ATP11C: variants seen among roughly 807,000 people sequenced by gnomAD.
The protein encoded by ATP11C is phospholipid-transporting ATPase IG.
A neutral mutation model predicts 97.4 loss-of-function variants in ATP11C; 36 were observed. The ratio of observed to expected loss-of-function variants is 0.37; its 90% CI spans 0.28 to 0.49. The LOEUF is 0.49. Among genes scored for constraint, ATP11C ranks in the 20% least tolerant of loss-of-function variants. The pLI is 0.98. For synonymous variants in ATP11C, 275 were observed against 290.9 expected (o/e 0.95, Z 0.56); for missense variants, 730 against 824.6 (o/e 0.89, Z 1.40).
At chrX:139,877,954 G>C (rs1197512109) in intron 1 of ATP11C, among the ~76,000 whole-genome samples, 1 of 111,174 alleles carries the variant, frequency 9.0e-6, no homozygotes, top group African/African-American at 3.3e-5. Context: ...AACCGGAAGA[G>C]GGAGGTTGCA....
intron 22 of ATP11C, among the ~76,000 whole-genome samples, chrX:139,759,304 C>T (rs757569031): frequency 6.3e-5 from 7 of 111,563 alleles, no homozygotes; most frequent in Non-Finnish European, 1.1e-4. Context: ...CATGGTAACA[C>T]ATTTAAAATA....
chrX:139,804,694 T>C (rs1479647757), intron 5 of ATP11C, 95 bp from the exon 6 acceptor site: 1 of 668,544 alleles, frequency 1.5e-6, no homozygotes, highest in Admixed American at 3.2e-5. Flanking sequence ...AGATTATCTC[T>C]AGCTCTGGGG....
At chrX:139,775,043 C>T in intron 18 of ATP11C, 90 bp from the exon 19 acceptor site, 1 of 951,109 alleles carries the variant, frequency 1.1e-6, no homozygotes, top group Non-Finnish European at 1.4e-6. Context: ...TTTTATAATT[C>T]ACAGCAATTC....
At chrX:139,881,373 TG>T (rs2084559493) in intron 1 of ATP11C, among the ~76,000 whole-genome samples, 1 of 111,210 alleles carries the variant, frequency 9.0e-6, no homozygotes, top group African/African-American at 3.3e-5. Flanking sequence ...ATAAGGAGTA[TG>T]GGCTGTATCT....
At chrX:139,888,607 G>C (rs1202646781) in intron 1 of ATP11C, among the ~76,000 whole-genome samples, 2 of 111,357 alleles carry the variant, frequency 1.8e-5, no homozygotes, top group African/African-American at 3.3e-5. Context: ...TGAGGATATG[G>C]AGCAAATGCA....
intron 1 of ATP11C, among the ~76,000 whole-genome samples, chrX:139,848,012 G>C (rs2083935390): frequency 9.0e-6 from 1 of 110,968 alleles, no homozygotes; most frequent in African/African-American, 3.3e-5. Flanking sequence ...CCATCTCCTT[G>C]GACGTGTGCC....
In ATP11C at chrX:139,818,852, A is replaced by G. The variant is rs1339078411; in HGVS notation, c.237+486T>C. On this transcript the variant is annotated intron_variant, in intron 3 of 29. Transcript: ENST00000682941. ...AACTGTCTAAAATTTAAAACACAAA[A>G]CAGTAGAAAGAATACAGAGAAGCAG... Among the ~76,000 whole-genome samples, 6 of 112,551 alleles carry G rather than the reference A, an allele frequency of 5.3e-5. No homozygotes were observed. In the Admixed American group the frequency reaches 5.6e-4, roughly 11 times the overall value.
chrX:139,736,087 C>A (rs1048991072), intron 28 of ATP11C, among the ~76,000 whole-genome samples: 8 of 111,735 alleles, frequency 7.2e-5, no homozygotes, highest in African/African-American at 2.6e-4. Flanking sequence ...TCATGCTAAA[C>A]CCCTGGCAAC....
chrX:139,806,105 A>C (rs945261201), intron 5 of ATP11C, among the ~76,000 whole-genome samples: 2 of 111,627 alleles, frequency 1.8e-5, no homozygotes, highest in African/African-American at 6.5e-5. Context: ...GCATTTTTTC[A>C]ACAGTTAGGA....
intron 2 of ATP11C, among the ~76,000 whole-genome samples, chrX:139,821,459 C>T (rs2083407785): frequency 8.9e-6 from 1 of 112,379 alleles, no homozygotes; most frequent in Non-Finnish European, 1.9e-5. Context: ...ACTCCAACAA[C>T]AGGCTAATGG....
At chrX:139,742,873 AAAAATATATATATATATAT>A (rs1394824494) in intron 26 of ATP11C, among the ~76,000 whole-genome samples, 3,717 of 26,339 alleles carry the variant, frequency 0.14, 159 homozygotes, top group African/African-American at 0.31. Context: ...TTAAAAAAAA[AAAAATATATATATATATAT>A]ATATATATAT....
intron 1 of ATP11C, among the ~76,000 whole-genome samples, chrX:139,875,968 A>T (rs1218000864): frequency 8.9e-6 from 1 of 112,121 alleles, no homozygotes; most frequent in Admixed American, 9.5e-5. Flanking sequence ...CTTCTAGCTC[A>T]TTCTTCCTGT....
At chrX:139,736,191 C>T (rs1052182674) in intron 28 of ATP11C, among the ~76,000 whole-genome samples, 1 of 111,742 alleles carries the variant, frequency 8.9e-6, no homozygotes, top group Non-Finnish European at 1.9e-5. Context: ...AAAAAATGTT[C>T]TAAGTCTTTA....
chrX:139,823,165 G>A (rs1025889115), intron 2 of ATP11C, among the ~76,000 whole-genome samples: 6 of 111,496 alleles, frequency 5.4e-5, no homozygotes, highest in African/African-American at 9.8e-5. Context: ...AGCTGAAATC[G>A]CGCGCCACTA....
At chrX:139,842,608 G>A (rs745372367) in intron 1 of ATP11C, among the ~76,000 whole-genome samples, 5 of 112,383 alleles carry the variant, frequency 4.4e-5, no homozygotes, top group South Asian at 7.3e-4. Flanking sequence ...TATTTGCAGC[G>A]CACTGCTAAG....
intron 1 of ATP11C, among the ~76,000 whole-genome samples, chrX:139,907,038 G>A (rs1311760599): frequency 9.0e-6 from 1 of 111,187 alleles, no homozygotes; most frequent in East Asian, 2.8e-4. Flanking sequence ...TTCTCAGTGA[G>A]GCCTTCTTCA....
chrX:139,737,839 TA>T, intron 28 of ATP11C, 76 bp downstream of exon 28: 1 of 1,024,555 alleles, frequency 9.8e-7, no homozygotes, highest in Non-Finnish European at 1.4e-6. Context: ...TGTAATTTTC[TA>T]AATCAGGTTT....
rs1369946643 is a variant in ATP11C at position 139,757,820 on chromosome X, T to C, written c.2688A>G (p.Gly896=). 2.5e-6 allele frequency: 3 copies of C among 1,183,959 alleles called. No individual in the cohort carries two copies. Among genetic ancestry groups the C allele is most frequent in the African/African-American group, 1.8e-5 (1 of 55,946 alleles). The change falls in exon 23 of 30, where the codon GGA becomes GGG. Residue 896 remains glycine (G), a synonymous_variant. Coordinates refer to ENST00000682941, the MANE Select transcript of ATP11C (RefSeq NM_001353812.2). ...LPQFLYQFFC[G]FSQQPLYDAA... ...TTGAGAAACAAACCTGTTGTGAGAA[T>C]CCACAGAAGAACTGGTACAAAAACT...
intron 1 of ATP11C, among the ~76,000 whole-genome samples, chrX:139,871,712 A>T (rs755737313): frequency 9.3e-6 from 1 of 107,193 alleles, no homozygotes; most frequent in South Asian, 4.2e-4. Flanking sequence ...TTGTAGAGAC[A>T]GGGTTTCACC....
Sources: allele counts gnomAD v4.1 joint callset (sites outside exome capture counted in the v4.1 genomes callset), GRCh38; gene constraint gnomAD v4.1.1; transcripts MANE v1.5; gene names NCBI Gene and HGNC (gene_info 2026-07-23, HGNC 2026-07-21).